Variants in DPP10 observed in about 807,000 individuals in gnomAD.
DPP10 encodes the protein dipeptidyl peptidase like 10.
DPP10 carries 33 observed loss-of-function variants against 120.9 expected under a neutral mutation model. The observed-to-expected ratio is 0.27, with a 90% CI of 0.21 to 0.37. The LOEUF is 0.37. Among genes scored for constraint, DPP10 ranks in the 10% least tolerant of loss-of-function variants. DPP10 has a pLI of 1.00. For missense variants in DPP10, 816 were observed against 942.8 expected (o/e 0.87, Z 1.76); for synonymous variants, 337 against 326.1 (o/e 1.03, Z -0.36).
Position 115,244,237 on chromosome 2 carries a change from T to TAG in DPP10, c.61-65001_61-65000insGA, listed in dbSNP as rs1380545879. On this transcript the variant is annotated intron_variant, in intron 1 of 25. Coordinates refer to ENST00000410059, the MANE Select transcript of DPP10 (RefSeq NM_020868.6). ...GTGTGTATATATATATATATATATA[T>TAG]ATAGAGAGAGAGAGAGAGAGAGAGA... Among the ~76,000 whole-genome samples the TAG allele has an allele frequency of 5.1e-4, 34 of 67,092 alleles. No homozygotes were observed. In the East Asian group the frequency reaches 5.2e-3, roughly 10 times the overall value. 44.0% of individuals were successfully genotyped at this position (67,092 alleles called of 152,430 possible). A position where few individuals can be genotyped will look rare whatever the true frequency, so the allele number is the denominator to read the frequency against.
At position 115,446,969 on chromosome 2, in the gene DPP10, C is replaced by A. The variant is rs149112577; in HGVS notation, c.272-52541C>A. On this transcript the variant is annotated intron_variant, in intron 3 of 25. Coordinates refer to ENST00000410059, the MANE Select transcript of DPP10 (RefSeq NM_020868.6). The stretch of plus-strand genomic sequence containing the variant: ...GTGGTATTTGACCAGGATGACAGTG[C>A]TCTTGCTCTATCACCATGAACAGCT... Among the ~76,000 whole-genome samples the A allele has an allele frequency of 2.9e-3, 442 of 152,298 alleles. 5 individuals carry two copies. The highest frequency in any genetic ancestry group is 3.7e-3 in the Non-Finnish European group (249 of 68,030).
intron 1 of DPP10, among the ~76,000 whole-genome samples, chr2:114,895,571 C>G (rs1172460188): frequency 2.0e-5 from 3 of 152,152 alleles, no homozygotes; most frequent in African/African-American, 7.2e-5. Context: ...TGGGAGATCT[C>G]AGAGACAGAG....
intron 13 of DPP10, among the ~76,000 whole-genome samples, chr2:115,769,090 A>G (rs1200640482): frequency 6.6e-6 from 1 of 152,062 alleles, no homozygotes; most frequent in Non-Finnish European, 1.5e-5. Flanking sequence ...TATTGAGTCA[A>G]TCTGAATTTA....
At chr2:115,435,051 CATAT>C (rs58828924) in intron 3 of DPP10, among the ~76,000 whole-genome samples, 69,432 of 148,066 alleles carry the variant, frequency 0.47, 18,264 homozygotes, top group Non-Finnish European at 0.61. Flanking sequence ...CACATGCACA[CATAT>C]ATATATATAT....
chr2:115,304,061 T>C (rs1332628823), intron 1 of DPP10, among the ~76,000 whole-genome samples: 1 of 152,082 alleles, frequency 6.6e-6, no homozygotes, highest in Non-Finnish European at 1.5e-5. Context: ...TAAATGTCTT[T>C]GAACTATTTC....
chr2:115,625,940 T>C (rs1448001245), intron 5 of DPP10, among the ~76,000 whole-genome samples: 1 of 152,014 alleles, frequency 6.6e-6, no homozygotes, highest in African/African-American at 2.4e-5. Context: ...AAAATAAGAA[T>C]GTATGATATT....
chr2:115,410,799 C>T lies in DPP10; in HGVS notation c.271+66887C>T, dbSNP rs1433688368. On this transcript the variant is annotated intron_variant, in intron 3 of 25. Coordinates refer to ENST00000410059, the MANE Select transcript of DPP10 (RefSeq NM_020868.6). ...ATCCATGTAACCAAAACCACCTGTT[C>T]CCTAAAATCTATTTAAATAATAATA... 1.3e-4 allele frequency among the ~76,000 whole-genome samples: 20 copies of T among 152,192 alleles called. No homozygotes were observed. The South Asian group carries it at 4.1e-3, about 32-fold the overall frequency.
chr2:115,304,633 T>A (rs1378233894), intron 1 of DPP10, among the ~76,000 whole-genome samples: 1 of 152,088 alleles, frequency 6.6e-6, no homozygotes, highest in Non-Finnish European at 1.5e-5. Flanking sequence ...AGAATACATA[T>A]GGCAGATAAA....
In DPP10 at chr2:115,723,720, G is replaced by T. The variant is rs901553595; in HGVS notation, c.577-4096G>T. 2.6e-5 allele frequency among the ~76,000 whole-genome samples: 4 copies of T among 151,750 alleles called. No homozygotes were observed. The South Asian group carries it at 6.2e-4, about 24-fold the overall frequency. On this transcript the variant is annotated intron_variant, in intron 7 of 25. Coordinates refer to ENST00000410059, the MANE Select transcript of DPP10 (RefSeq NM_020868.6). ...ATTGCCATTTTATATTCCCAAATGG[G>T]AATAACACATTATAATTTCACAACT... is the stretch of plus-strand genomic sequence containing the variant.
At chr2:115,488,694 C>A (rs2075901604) in intron 3 of DPP10, among the ~76,000 whole-genome samples, 1 of 119,314 alleles carries the variant, frequency 8.4e-6, no homozygotes, top group African/African-American at 3.2e-5. Context: ...ATCACATGGA[C>A]ACAGGAAGGG....
chr2:114,813,268 G>A (rs1685338490), intron 1 of DPP10, among the ~76,000 whole-genome samples: 1 of 152,078 alleles, frequency 6.6e-6, no homozygotes, highest in Non-Finnish European at 1.5e-5. Context: ...ATATAGGAAG[G>A]AAGGAATTAA....
chr2:115,743,407 G>T (rs1163373975), intron 9 of DPP10, among the ~76,000 whole-genome samples: 2 of 152,066 alleles, frequency 1.3e-5, no homozygotes, highest in Non-Finnish European at 2.9e-5. Flanking sequence ...AAAGAAAACT[G>T]CCTTAAAGAT....
intron 1 of DPP10, among the ~76,000 whole-genome samples, chr2:114,863,618 C>T (rs1048545906): frequency 6.6e-6 from 1 of 152,092 alleles, no homozygotes; most frequent in Non-Finnish European, 1.5e-5. Flanking sequence ...GCAGAAGCCA[C>T]GAAGCACCAA....
At chr2:115,533,332 A>G (rs1252451701) in intron 5 of DPP10, among the ~76,000 whole-genome samples, 2 of 152,102 alleles carry the variant, frequency 1.3e-5, no homozygotes, top group Non-Finnish European at 2.9e-5. Flanking sequence ...GCTGGGCTAC[A>G]TCTGCTATGT....
chr2:115,207,513 G>T (rs2056228577), intron 1 of DPP10, among the ~76,000 whole-genome samples: 1 of 147,522 alleles, frequency 6.8e-6, no homozygotes, highest in African/African-American at 2.5e-5. Flanking sequence ...TTGTGTTTAA[G>T]GCACTCTGTA....
intron 5 of DPP10, among the ~76,000 whole-genome samples, chr2:115,592,913 T>C (rs1199804001): frequency 6.6e-6 from 1 of 152,184 alleles, no homozygotes; most frequent in Non-Finnish European, 1.5e-5. Flanking sequence ...AGGCATTTTA[T>C]AATATGTGAA....
chr2:114,574,481 C>T lies in DPP10; in HGVS notation c.60+131643C>T, dbSNP rs1384176609. Among the ~76,000 whole-genome samples the T allele has an allele frequency of 2.0e-5, 3 of 152,154 alleles. No individual in the cohort carries two copies. In the East Asian group the frequency reaches 5.8e-4, roughly 29 times the overall value. On this transcript the variant is annotated intron_variant, in intron 1 of 25. Coordinates refer to ENST00000410059, the MANE Select transcript of DPP10 (RefSeq NM_020868.6). ...ACTGTGGACAGGCCTGCTTGGAGGCCCTGTCTGCTGAGCCTTGGGAATGTG... is the reference window on the plus strand; with the variant it reads ...ACTGTGGACAGGCCTGCTTGGAGGCTCTGTCTGCTGAGCCTTGGGAATGTG...
At chr2:115,296,799 T>C (rs551292669) in intron 1 of DPP10, among the ~76,000 whole-genome samples, 1 of 152,214 alleles carries the variant, frequency 6.6e-6, no homozygotes, top group Non-Finnish European at 1.5e-5. Flanking sequence ...TCTAGAGTCC[T>C]TCCTTACCTA....
intron 1 of DPP10, among the ~76,000 whole-genome samples, chr2:114,756,167 A>T (rs1169186036): frequency 6.6e-6 from 1 of 152,224 alleles, no homozygotes; most frequent in African/African-American, 2.4e-5. Context: ...AGTGATTTGT[A>T]GTTGCTTAGT....
Sources: gnomAD v4.1 joint callset for allele counts (sites outside exome capture counted in the v4.1 genomes callset) on GRCh38, gnomAD v4.1.1 for gene constraint, MANE v1.5 for transcripts, NCBI Gene and HGNC (gene_info 2026-07-23, HGNC 2026-07-21) for gene names.